The following CCNE1 variants were observed in gnomAD, a reference collection of about 807,000 sequenced individuals.
CCNE1 encodes cyclin E1.
A neutral mutation model predicts 54.1 loss-of-function variants in CCNE1; 8 were observed. The ratio of observed to expected loss-of-function variants is 0.15; its 90% CI spans 0.09 to 0.27. The LOEUF is 0.27. Ranked by LOEUF, CCNE1 falls within the 10% of genes least tolerant of loss-of-function variation. The pLI is 1.00. For synonymous variants in CCNE1, 179 were observed against 185.2 expected (o/e 0.97, Z 0.27); for missense variants, 430 against 514.9 (o/e 0.84, Z 1.60).
rs1467407719 is a variant in CCNE1 at position 29,824,186 on chromosome 19, C to A, written c.*409C>A. 6 of 255,482 alleles carry A rather than the reference C, an allele frequency of 2.3e-5. No individual in the cohort carries two copies. Among genetic ancestry groups the A allele is most frequent in the Non-Finnish European group, 3.8e-5 (5 of 132,780 alleles). The allele number at this position is 255,482 out of a possible 1,614,324, so 15.8% of individuals were successfully genotyped here. A position where few individuals can be genotyped will look rare whatever the true frequency, so the allele number is the denominator to read the frequency against. On this transcript the variant is annotated 3_prime_UTR_variant, in exon 12 of 12. Transcript: ENST00000262643. ...GGCAAGCGTTGTGCAGAGCCCATAGCCAGCTGGGCAGGGGGCTGCCCTCTC... is the reference window on the plus strand; with the variant it reads ...GGCAAGCGTTGTGCAGAGCCCATAGACAGCTGGGCAGGGGGCTGCCCTCTC...
At chr19:29,812,894 A>G in intron 3 of CCNE1, 75 bp from the exon 4 acceptor site, 1 of 1,600,702 alleles carries the variant, frequency 6.2e-7, no homozygotes, top group South Asian at 1.1e-5. Context: ...TAACCTGATC[A>G]GCTTTCTCTT....
intron 3 of CCNE1, 69 bp downstream of exon 3, chr19:29,812,845 C>T: frequency 6.3e-7 from 1 of 1,585,568 alleles, no homozygotes; most frequent in Non-Finnish European, 8.6e-7. Context: ...TTGGCTCTGC[C>T]TACGGGGGCG....
At chr19:29,821,619 C>A in intron 7 of CCNE1, 103 bp from the exon 8 acceptor site, 1 of 444,978 alleles carries the variant, frequency 2.2e-6, no homozygotes. Flanking sequence ...TGCGCCCTCT[C>A]TCTTTCCATG....
Position 29,822,234 on chromosome 19 carries a change from C to G in CCNE1, c.841-6C>G, listed in dbSNP as rs1350281254. The G allele has an allele frequency of 6.2e-7, 1 of 1,612,732 alleles. No individual in the cohort carries two copies. The highest frequency in any genetic ancestry group is 1.7e-4 in the Middle Eastern group (1 of 6,060). On this transcript the variant is annotated splice_polypyrimidine_tract_variant and splice_region_variant and intron_variant, in intron 9 of 11. Transcript: ENST00000262643. ...ATCCATCTCAGCGTTCTTTTCTTCT[C>G]CGTAGCTGTTGGATCTCTGTGTCCT... is the stretch of plus-strand genomic sequence containing the variant.
chr19:29,820,557 AC>A (rs1974124256), intron 6 of CCNE1, 144 bp from the exon 7 acceptor site: 1 of 638,798 alleles, frequency 1.6e-6, no homozygotes, highest in Non-Finnish European at 2.7e-6. Flanking sequence ...CAAAAAAAAA[AC>A]AAAAAAACAA....
chr19:29,816,962 CATT>C (rs1974031197), intron 4 of CCNE1, among the ~76,000 whole-genome samples, 172 bp from the exon 5 acceptor site: 1 of 150,736 alleles, frequency 6.6e-6, no homozygotes, highest in South Asian at 2.1e-4. Context: ...GCATTGTACT[CATT>C]AAAAAAATCT....
rs1244941336 is a variant in CCNE1 at position 29,817,122 on chromosome 19, A to G, written c.181-15A>G. ...GCATCTTATCTCACCTCTCCTGTGT[A>G]TTTTTCATTTACAGCCTTGGGACAA... On this transcript the variant is annotated splice_polypyrimidine_tract_variant and intron_variant, in intron 4 of 11. Transcript: ENST00000262643. 2.5e-6 allele frequency: 4 copies of G among 1,612,808 alleles called. No individual in the cohort carries two copies. The Admixed American group carries it at 6.7e-5, about 27-fold the overall frequency.
chr19:29,812,200 C>T (rs1973903630), intron 1 of CCNE1, 48 bp downstream of exon 1: 1 of 152,430 alleles, frequency 6.6e-6, no homozygotes, highest in East Asian at 1.9e-4. Flanking sequence ...GGGGCCCAGA[C>T]CGCGCCGGGG....
At chr19:29,815,887 G>A (rs1304369211) in intron 4 of CCNE1, among the ~76,000 whole-genome samples, 2 of 151,832 alleles carry the variant, frequency 1.3e-5, no homozygotes, top group Admixed American at 6.6e-5. Flanking sequence ...AGGTGCGGTG[G>A]CTCAGGCTTG....
chr19:29,812,690 G>C lies in CCNE1; in HGVS notation c.25G>C (p.Asp9His), dbSNP rs377233800. 1.3e-6 allele frequency: 2 copies of C among 1,585,756 alleles called. No homozygotes were observed. The highest frequency in any genetic ancestry group is 2.3e-5 in the South Asian group (2 of 86,490). ...GCCCGGTGCCACCCGGGTCCACAGG[G>C]ATGCGAAGGAGCGGGACACCATGAA... MPRERRERDAKERDTMKED... is the reference protein window; with the variant it reads MPRERRERHAKERDTMKED... The change falls in exon 3 of 12, where the codon GAT becomes CAT. Residue 9 changes from aspartate (D) to histidine (H), a missense_variant and splice_region_variant. Asp to His is a moderately conservative substitution (Grantham distance 81, BLOSUM62 -1). This residue lies in a region of CCNE1 where 127 missense variants were observed against 113.8 expected (regional missense o/e 1.12). Transcript: ENST00000262643.
intron 6 of CCNE1, among the ~76,000 whole-genome samples, chr19:29,817,849 T>G (rs1370983400): frequency 6.7e-6 from 1 of 149,080 alleles, no homozygotes; most frequent in Admixed American, 6.9e-5. Context: ...ATTATGTTCA[T>G]TAAATTGCTT....
At chr19:29,817,632 G>A (rs1372034289) in intron 6 of CCNE1, 91 bp downstream of exon 6, 7 of 1,347,280 alleles carry the variant, frequency 5.2e-6, no homozygotes, top group Middle Eastern at 1.8e-4. Flanking sequence ...TTATTCCCTC[G>A]ACATGTTCTC....
At position 29,824,059 on chromosome 19, in the gene CCNE1, T is replaced by C; in HGVS notation, c.*282T>C. On this transcript the variant is annotated 3_prime_UTR_variant, in exon 12 of 12. Coordinates refer to ENST00000262643, the MANE Select transcript of CCNE1 (RefSeq NM_001238.4). ...GAAGGTGCTACTTGACCTAAGGGAC[T>C]CCCACAACAACAAAAGCTTGAAGCT... 1 of 322,432 alleles carries C rather than the reference T, an allele frequency of 3.1e-6. No individual in the cohort carries two copies. Among genetic ancestry groups the C allele is most frequent in the Admixed American group, 4.8e-5 (1 of 21,034 alleles). The allele number at this position is 322,432 out of a possible 1,614,324, so 20.0% of individuals were successfully genotyped here.
At chr19:29,814,558 T>C (rs959365048) in intron 4 of CCNE1, among the ~76,000 whole-genome samples, 5 of 152,238 alleles carry the variant, frequency 3.3e-5, no homozygotes, top group Admixed American at 2.6e-4. Flanking sequence ...GTAGAGTAGA[T>C]AGCTTAAACA....
At position 29,823,878 on chromosome 19, in the gene CCNE1, T is replaced by A. The variant is rs1407497130; in HGVS notation, c.*101T>A. 3.2e-6 allele frequency: 4 copies of A among 1,244,198 alleles called. No individual in the cohort carries two copies. The Admixed American group carries it at 9.8e-5, about 30-fold the overall frequency. The allele number at this position is 1,244,198 out of a possible 1,614,324, so 77.1% of individuals were successfully genotyped here. A position where few individuals can be genotyped will look rare whatever the true frequency, so the allele number is the denominator to read the frequency against. On this transcript the variant is annotated 3_prime_UTR_variant, in exon 12 of 12. Coordinates refer to ENST00000262643, the MANE Select transcript of CCNE1 (RefSeq NM_001238.4). Reference sequence around the variant, plus strand: ...GCGTTTGCTTTTACAGATATCTGAATGGAAGAGTGTTTCTTCCACAACAGA... The same window carrying A: ...GCGTTTGCTTTTACAGATATCTGAAAGGAAGAGTGTTTCTTCCACAACAGA...
In CCNE1 at chr19:29,817,203, G is replaced by C. The variant is rs147120845; in HGVS notation, c.247G>C (p.Asp83His). The C allele has an allele frequency of 3.6e-4, 587 of 1,614,206 alleles. No individual in the cohort carries two copies. The highest frequency in any genetic ancestry group is 4.7e-4 in the Non-Finnish European group (557 of 1,180,040). Residue 83 changes from aspartate to histidine, a missense_variant, in exon 5 of 12, where the codon GAT becomes CAT. Transcript: ENST00000262643. ...SLIPTPDKEDDDRVYPNSTCK... is the reference protein window; with the variant it reads ...SLIPTPDKEDHDRVYPNSTCK... ...GATCCCCACACCTGACAAAGAAGAT[G>C]ATGACCGGGTTTACCCAAACTCAAC...
rs1188539458 is a variant in CCNE1 at position 29,821,826 on chromosome 19, CA to C, written c.705+10del. 5.0e-6 allele frequency: 8 copies of C among 1,599,090 alleles called. No homozygotes were observed. The highest frequency in any genetic ancestry group is 6.9e-6 in the Non-Finnish European group (8 of 1,166,468). ...AATTAATGATTATGAAGGTGGGTTCCAGTGAATTTTCCGGCCATTTTTTAAA... is the reference window on the plus strand; with the variant it reads ...AATTAATGATTATGAAGGTGGGTTCCGTGAATTTTCCGGCCATTTTTTAAA... On this transcript the variant is annotated intron_variant, in intron 8 of 11. Transcript: ENST00000262643.
chr19:29,820,635 GT>G (rs5827672), intron 6 of CCNE1, 66 bp from the exon 7 acceptor site: 42,108 of 902,914 alleles, frequency 0.047, 569 homozygotes, highest in East Asian at 0.17. Flanking sequence ...GTCATTACAA[GT>G]TTTTTTTTTT....
rs1434511476 is a variant in CCNE1, at chr19:29,812,542, G to A, written c.-14G>A. The A allele has an allele frequency of 2.0e-6, 3 of 1,465,958 alleles. No individual in the cohort carries two copies. The highest frequency in any genetic ancestry group is 1.8e-6 in the Non-Finnish European group (2 of 1,116,634). 90.8% of individuals were successfully genotyped at this position (1,465,958 alleles called of 1,614,324 possible). Reference sequence around the variant, plus strand: ...CGCGCCGCCCCGCAGGCCTCAGGCCGGAGCAGCCCCATCATGCCGAGGGAG... The same window carrying A: ...CGCGCCGCCCCGCAGGCCTCAGGCCAGAGCAGCCCCATCATGCCGAGGGAG... On this transcript the variant is annotated 5_prime_UTR_variant, in exon 2 of 12. Transcript: ENST00000262643.
Sources: allele counts gnomAD v4.1 joint callset (sites outside exome capture counted in the v4.1 genomes callset), GRCh38; gene constraint gnomAD v4.1.1; regional missense constraint gnomAD v4.1.1; transcripts MANE v1.5; gene names NCBI Gene and HGNC (gene_info 2026-07-23, HGNC 2026-07-21).